Variants in PRKD3 observed in about 807,000 individuals in gnomAD.
PRKD3 encodes serine/threonine-protein kinase D3.
A neutral mutation model predicts 99.2 loss-of-function variants in PRKD3; 47 were observed. The ratio of observed to expected loss-of-function variants is 0.47; its 90% CI spans 0.38 to 0.60. PRKD3 has a LOEUF of 0.60. Ranked by LOEUF, PRKD3 falls within the 20% of genes least tolerant of loss-of-function variation. PRKD3 has a pLI of 0.00. For synonymous variants in PRKD3, 392 were observed against 355.4 expected, an observed-to-expected ratio of 1.10 and a Z score of -1.16; for missense variants, 1,019 against 1,088.4, an observed-to-expected ratio of 0.94 and a Z score of 0.90.
chr2:37,255,710 TAAG>T (rs1417287798), intron 17 of PRKD3, among the ~76,000 whole-genome samples: 1 of 152,048 alleles, frequency 6.6e-6, no homozygotes, highest in Non-Finnish European at 1.5e-5. Context: ...AATGAATACT[TAAG>T]AAAAAAATGG....
intron 2 of PRKD3, among the ~76,000 whole-genome samples, chr2:37,311,088 C>A (rs1389905590): frequency 6.6e-6 from 1 of 152,074 alleles, no homozygotes; most frequent in East Asian, 1.9e-4. Flanking sequence ...ATAAAGAGAC[C>A]AGTATCTGCT....
At chr2:37,324,169 C>G in intron 1 of PRKD3, 1 of 985,332 alleles carries the variant, frequency 1.0e-6, no homozygotes, top group Non-Finnish European at 1.2e-6. Context: ...GGGCGAGGGG[C>G]TTACATTCTC....
chr2:37,324,296 G>GTT (rs1672017566), intron 1 of PRKD3: 1 of 878,778 alleles, frequency 1.1e-6, no homozygotes, highest in Admixed American at 6.2e-5. Context: ...TCGGGAACTA[G>GTT]TTTGGGAGAC....
Position 37,282,205 on chromosome 2 carries a change from T to C in PRKD3, c.988+337A>G, listed in dbSNP as rs1313769473. 3.0e-5 allele frequency: 6 copies of C among 201,516 alleles called. No individual in the cohort carries two copies. In the East Asian group the frequency reaches 6.5e-4, roughly 22 times the overall value. The allele number at this position is 201,516 out of a possible 1,614,324, so 12.5% of individuals were successfully genotyped here. On this transcript the variant is annotated intron_variant, in intron 7 of 18. Transcript: ENST00000234179. ...AAAGAGTTTAGAACAGTGCCTGGTA[T>C]AGCAAGCAGTTAGTACATATTAGAA...
chr2:37,297,119 G>A (rs1379452181), intron 2 of PRKD3, among the ~76,000 whole-genome samples: 2 of 151,982 alleles, frequency 1.3e-5, no homozygotes, highest in African/African-American at 4.8e-5. Context: ...GAAAAATTCA[G>A]AAAATAGGTT....
intron 8 of PRKD3, chr2:37,279,521 G>GAAAA: frequency 4.6e-6 from 1 of 218,708 alleles, no homozygotes. Flanking sequence ...AACAAAAAAC[G>GAAAA]AAAAAAAAAA....
chr2:37,257,112 C>G (rs1172696944), intron 16 of PRKD3, among the ~76,000 whole-genome samples, 183 bp from the exon 17 acceptor site: 1 of 152,026 alleles, frequency 6.6e-6, no homozygotes, highest in African/African-American at 2.4e-5. Flanking sequence ...CATTTATAGC[C>G]CTGTGATCCT....
At chr2:37,266,904 T>A (rs1572631156) in intron 14 of PRKD3, among the ~76,000 whole-genome samples, 2 of 152,228 alleles carry the variant, frequency 1.3e-5, no homozygotes, top group Admixed American at 6.5e-5. Context: ...AGGATCAAGC[T>A]AAATTTTAAT....
At position 37,316,302 on chromosome 2, in the gene PRKD3, T is replaced by C. The variant is rs201605612; in HGVS notation, c.223A>G (p.Ile75Val). ...GATAAAGACAGTTCCTGGGCTTCAA[T>C]GGTAACACTCTCCCGTGTGAGGCCA... The part of the protein sequence containing the change: ...QIGLTRESVT[I>V]EAQELSLSAV... The change falls in exon 2 of 19, where the codon ATT (isoleucine) becomes GTT (valine). Residue 75 changes from isoleucine to valine, a missense_variant. Transcript: ENST00000234179. 39 of 1,614,098 alleles carry C rather than the reference T, an allele frequency of 2.4e-5. No individual in the cohort carries two copies. Among genetic ancestry groups the C allele is most frequent in the East Asian group, 4.5e-5 (2 of 44,900 alleles).
chr2:37,303,537 A>C (rs1671031511), intron 2 of PRKD3, among the ~76,000 whole-genome samples: 1 of 151,940 alleles, frequency 6.6e-6, no homozygotes, highest in Non-Finnish European at 1.5e-5. Context: ...CTTAGGTTGA[A>C]GGGCCCCACA....
chr2:37,259,022 A>G (rs541344931), intron 16 of PRKD3, among the ~76,000 whole-genome samples: 1 of 150,484 alleles, frequency 6.6e-6, no homozygotes, highest in South Asian at 2.1e-4. Context: ...AGGTCATGCA[A>G]TAAATTTAGT....
chr2:37,280,275 C>A (rs1669795887), intron 7 of PRKD3, among the ~76,000 whole-genome samples: 1 of 151,540 alleles, frequency 6.6e-6, no homozygotes. Flanking sequence ...GAACTCCTGA[C>A]CTCAGGGGAT....
At chr2:37,324,614 A>G (rs1452653447) in intron 1 of PRKD3, 67 bp downstream of exon 1, 1 of 127,622 alleles carries the variant, frequency 7.8e-6, no homozygotes, top group Non-Finnish European at 1.8e-5. Flanking sequence ...CGGGAGAACA[A>G]AGCGGCGGCG....
chr2:37,294,233 C>T (rs1670574908), intron 2 of PRKD3, among the ~76,000 whole-genome samples: 1 of 151,882 alleles, frequency 6.6e-6, no homozygotes, highest in South Asian at 2.1e-4. Flanking sequence ...GTAGCTGGGA[C>T]CACAGGTGCA....
intron 6 of PRKD3, among the ~76,000 whole-genome samples, chr2:37,282,843 T>C (rs898390766): frequency 1.3e-5 from 2 of 152,212 alleles, no homozygotes; most frequent in African/African-American, 4.8e-5. Context: ...CGAAATGTAC[T>C]GGCAGCTCCA....
intron 9 of PRKD3, among the ~76,000 whole-genome samples, chr2:37,276,352 G>C (rs1327299021): frequency 6.6e-6 from 1 of 152,020 alleles, no homozygotes; most frequent in Non-Finnish European, 1.5e-5. Flanking sequence ...ATAACTTTTT[G>C]ATCTTTGCTA....
intron 2 of PRKD3, among the ~76,000 whole-genome samples, chr2:37,302,769 C>G (rs1422793373): frequency 1.3e-5 from 2 of 151,804 alleles, no homozygotes; most frequent in Admixed American, 1.3e-4. Flanking sequence ...CCAGGCTGGT[C>G]TCCATCTCCT....
intron 1 of PRKD3, among the ~76,000 whole-genome samples, chr2:37,322,261 C>T (rs1396345460): frequency 2.0e-5 from 3 of 152,190 alleles, no homozygotes; most frequent in African/African-American, 7.2e-5. Context: ...TATTTAAAAA[C>T]TCAAGTGTCT....
intron 16 of PRKD3, among the ~76,000 whole-genome samples, chr2:37,258,641 T>C (rs1668167564): frequency 6.6e-6 from 1 of 152,200 alleles, no homozygotes; most frequent in African/African-American, 2.4e-5. Flanking sequence ...AGCAGTTTAT[T>C]TAAAACATTG....
Sources: allele counts gnomAD v4.1 joint callset (sites outside exome capture counted in the v4.1 genomes callset), GRCh38; gene constraint gnomAD v4.1.1; transcripts MANE v1.5; gene names NCBI Gene and HGNC (gene_info 2026-07-23, HGNC 2026-07-21).